CAMK2B: variants seen among roughly 807,000 people sequenced by gnomAD.
CAMK2B encodes the protein calcium/calmodulin dependent protein kinase II beta.
A neutral mutation model predicts 93.7 loss-of-function variants in CAMK2B; 27 were observed. The ratio of observed to expected loss-of-function variants is 0.29; its 90% CI spans 0.21 to 0.40. The LOEUF is 0.40. Ranked by LOEUF, CAMK2B falls within the 10% of genes least tolerant of loss-of-function variation. The pLI is 1.00. For missense variants in CAMK2B, 568 were observed against 895.8 expected (o/e 0.63, Z 4.67); for synonymous variants, 374 against 358.8 (o/e 1.04, Z -0.48).
In CAMK2B at chr7:44,218,454, G is replaced by A. The variant is rs1482226896; in HGVS notation, c.*1071C>T. On this transcript the variant is annotated 3_prime_UTR_variant, in exon 24 of 24. Coordinates refer to ENST00000395749, the MANE Select transcript of CAMK2B (RefSeq NM_001220.5). ...TTCAGCTGGGGGCTCAGGGACTTGA[G>A]CGAGGCCCGCAGTCCTTTGTCAAAA... 3.3e-5 allele frequency: 5 copies of A among 152,300 alleles called. No individual in the cohort carries two copies. The highest frequency in any genetic ancestry group is 3.3e-4 in the Admixed American group (5 of 15,294). The allele number at this position is 152,300 out of a possible 1,614,324, so 9.4% of individuals were successfully genotyped here. A position where few individuals can be genotyped will look rare whatever the true frequency, so the allele number is the denominator to read the frequency against.
intron 1 of CAMK2B, 114 bp downstream of exon 1, chr7:44,325,243 A>T: frequency 4.1e-6 from 2 of 483,738 alleles, no homozygotes; most frequent in Non-Finnish European, 5.4e-6. Context: ...CGGAGCCCAG[A>T]GAAGCCGGCG....
chr7:44,261,433 C>T (rs141333104), intron 3 of CAMK2B, among the ~76,000 whole-genome samples: 6 of 152,302 alleles, frequency 3.9e-5, no homozygotes, highest in Non-Finnish European at 5.9e-5. Flanking sequence ...TCCCTGGGGG[C>T]GCTGCAGGGC....
At chr7:44,300,810 C>T (rs1313897706) in intron 1 of CAMK2B, among the ~76,000 whole-genome samples, 7 of 152,176 alleles carry the variant, frequency 4.6e-5, no homozygotes, top group Admixed American at 1.3e-4. Flanking sequence ...ACTACTTCAT[C>T]CAACAACGGC....
At position 44,225,910 on chromosome 7, in the gene CAMK2B, G is replaced by A. The variant is rs1398939321; in HGVS notation, c.1597+606C>T. On this transcript the variant is annotated intron_variant, in intron 20 of 23. Transcript: ENST00000395749. The surrounding 1 kb of genome is among the most constrained non-coding windows in gnomAD (Gnocchi z 5.0). ...TCCATCCCTGTAAGTGATACTGCGGGTAGTCGGCAGACAGACCGGGAGGTG... is the reference window on the plus strand; with the variant it reads ...TCCATCCCTGTAAGTGATACTGCGGATAGTCGGCAGACAGACCGGGAGGTG... 18 of 1,285,028 alleles carry A rather than the reference G, an allele frequency of 1.4e-5. No homozygotes were observed. Among genetic ancestry groups the A allele is most frequent in the Non-Finnish European group, 1.7e-5 (17 of 985,720 alleles). The allele number at this position is 1,285,028 out of a possible 1,614,324, so 79.6% of individuals were successfully genotyped here. A position where few individuals can be genotyped will look rare whatever the true frequency, so the allele number is the denominator to read the frequency against.
At chr7:44,250,544 T>G (rs1342085685) in intron 5 of CAMK2B, among the ~76,000 whole-genome samples, 16 of 149,498 alleles carry the variant, frequency 1.1e-4, no homozygotes, top group Non-Finnish European at 4.5e-5. Context: ...TTTTTTTTTT[T>G]TTTGAGATGG....
intron 1 of CAMK2B, among the ~76,000 whole-genome samples, chr7:44,321,443 C>T (rs1796064278): frequency 6.6e-6 from 1 of 152,146 alleles, no homozygotes; most frequent in African/African-American, 2.4e-5. Context: ...GTGGGAGATG[C>T]CCTAGACTGG....
At chr7:44,315,665 A>T (rs1167186490) in intron 1 of CAMK2B, among the ~76,000 whole-genome samples, 1 of 152,228 alleles carries the variant, frequency 6.6e-6, no homozygotes, top group Non-Finnish European at 1.5e-5. Flanking sequence ...GTATACTACT[A>T]TTTAACAATA....
In CAMK2B at chr7:44,312,838, TTGTGAAAAGCATCAAAA is replaced by T. The variant is rs1793910002; in HGVS notation, c.65+12502_65+12518del. On this transcript the variant is annotated intron_variant, in intron 1 of 23. Transcript: ENST00000395749. The surrounding 1 kb of genome is among the most constrained non-coding windows in gnomAD (Gnocchi z 4.1). ...ACCTGGCCTCAGGCATGCAGAGGAG[TTGTGAAAAGCATCAAAA>T]TCACTGCTTTTCTCAGGGTTTTTGA... is the stretch of plus-strand genomic sequence containing the variant. Among the ~76,000 whole-genome samples, 1 of 151,738 alleles carries T rather than the reference TTGTGAAAAGCATCAAAA, an allele frequency of 6.6e-6. No individual in the cohort carries two copies. Among genetic ancestry groups the T allele is most frequent in the Non-Finnish European group, 1.5e-5 (1 of 67,914 alleles).
intron 2 of CAMK2B, among the ~76,000 whole-genome samples, chr7:44,281,833 C>A (rs1563005643): frequency 6.6e-6 from 1 of 152,168 alleles, no homozygotes; most frequent in African/African-American, 2.4e-5. Context: ...GAGCAAGTGG[C>A]CTTCAGCTCT....
At chr7:44,274,494 G>C (rs898150236) in intron 2 of CAMK2B, among the ~76,000 whole-genome samples, 1 of 152,170 alleles carries the variant, frequency 6.6e-6, no homozygotes, top group Non-Finnish European at 1.5e-5. Flanking sequence ...CCTCAAACCC[G>C]CACCTTTCGG....
chr7:44,241,794 A>G lies in CAMK2B; in HGVS notation c.820-11T>C, dbSNP rs768531146. ...TACCGTGGAGCGTTGCTGTGGGGAA[A>G]TGGGTGGTCATATGGCAGCCGAGCC... On this transcript the variant is annotated splice_polypyrimidine_tract_variant and intron_variant, in intron 10 of 23. Transcript: ENST00000395749. 1.2e-6 allele frequency: 2 copies of G among 1,609,478 alleles called. No individual in the cohort carries two copies. Among genetic ancestry groups the G allele is most frequent in the South Asian group, 2.2e-5 (2 of 90,918 alleles).
At chr7:44,258,605 C>T (rs915496542) in intron 4 of CAMK2B, among the ~76,000 whole-genome samples, 3 of 152,222 alleles carry the variant, frequency 2.0e-5, no homozygotes, top group African/African-American at 7.2e-5. Context: ...TCCAGTGTGC[C>T]CTGTTCTGTG....
At chr7:44,220,580 C>T in intron 22 of CAMK2B, 36 bp downstream of exon 22, 1 of 1,542,354 alleles carries the variant, frequency 6.5e-7, no homozygotes, top group Non-Finnish European at 8.9e-7. Flanking sequence ...CCTGGGGGCA[C>T]CGCCCCCTCA....
In CAMK2B at chr7:44,262,820, C is replaced by A. The variant is rs142772567; in HGVS notation, c.220+185G>T. ...GCACCCCCGGGAATCATGTCACATA[C>A]GACAAAGTCCTCAAGGTCAGGGGAG... is the stretch of plus-strand genomic sequence containing the variant. On this transcript the variant is annotated intron_variant, in intron 3 of 23. Transcript: ENST00000395749. 3.3e-5 allele frequency among the ~76,000 whole-genome samples: 5 copies of A among 152,292 alleles called. No homozygotes were observed. The East Asian group carries it at 7.7e-4, about 23-fold the overall frequency.
intron 13 of CAMK2B, among the ~76,000 whole-genome samples, chr7:44,238,550 T>C (rs763046145): frequency 1.3e-5 from 2 of 152,048 alleles, no homozygotes; most frequent in African/African-American, 4.8e-5. Flanking sequence ...GGGAGGAGAA[T>C]AGACTGCCCT....
At position 44,225,918 on chromosome 7, in the gene CAMK2B, C is replaced by T; in HGVS notation, c.1597+598G>A. On this transcript the variant is annotated intron_variant, in intron 20 of 23. Coordinates refer to ENST00000395749, the MANE Select transcript of CAMK2B (RefSeq NM_001220.5). This position sits in a 1 kb window ranked among gnomAD's most constrained non-coding sequence, Gnocchi z 5.0. The stretch of plus-strand genomic sequence containing the variant: ...TGTAAGTGATACTGCGGGTAGTCGG[C>T]AGACAGACCGGGAGGTGGCCCAGCC... The T allele has an allele frequency of 6.2e-6, 8 of 1,282,260 alleles. No homozygotes were observed. The highest frequency in any genetic ancestry group is 5.1e-6 in the Non-Finnish European group (5 of 983,802). The allele number at this position is 1,282,260 out of a possible 1,614,324, so 79.4% of individuals were successfully genotyped here.
At chr7:44,268,860 T>G (rs902365003) in intron 2 of CAMK2B, 1 of 152,294 alleles carries the variant, frequency 6.6e-6, no homozygotes, top group African/African-American at 2.4e-5. Flanking sequence ...TGACCCATCC[T>G]GGAGCACCTG....
intron 5 of CAMK2B, among the ~76,000 whole-genome samples, chr7:44,252,455 A>G (rs1436053700): frequency 6.6e-6 from 1 of 150,518 alleles, no homozygotes; most frequent in Non-Finnish European, 1.5e-5. Flanking sequence ...AGGGTGCAGC[A>G]CAGAGGGGCA....
At chr7:44,310,070 C>CGGGCGG (rs1319419691) in intron 1 of CAMK2B, among the ~76,000 whole-genome samples, 1 of 152,234 alleles carries the variant, frequency 6.6e-6, no homozygotes, top group African/African-American at 2.4e-5. Context: ...TGGCCGAGAC[C>CGGGCGG]GGGCGGGGGC....
Sources: allele counts gnomAD v4.1 joint callset (sites outside exome capture counted in the v4.1 genomes callset), GRCh38; gene constraint gnomAD v4.1.1; non-coding constraint Gnocchi (gnomAD v3.1); transcripts MANE v1.5; gene names NCBI Gene and HGNC (gene_info 2026-07-23, HGNC 2026-07-21).